The following USP3 variants were observed in gnomAD, a reference collection of about 807,000 sequenced individuals.
The protein encoded by USP3 is ubiquitin specific peptidase 3, also known as ubiquitin carboxyl-terminal hydrolase 3.
Under a neutral mutation model 72.3 loss-of-function variants are expected in USP3, and 20 were observed. The observed-to-expected ratio is 0.28, with a 90% CI of 0.19 to 0.40. The LOEUF (loss-of-function observed/expected upper bound fraction) is 0.40, where lower values mean the gene tolerates loss of function less well. Ranked by LOEUF, USP3 falls within the 10% of genes least tolerant of loss-of-function variation. The pLI, the probability that USP3 is intolerant of heterozygous loss-of-function variation, is 1.00. For synonymous variants in USP3, 222 were observed against 225.3 expected (o/e 0.99, Z 0.13); for missense variants, 479 against 633.9 (o/e 0.76, Z 2.62).
At chr15:63,556,020 A>T (rs1297610480) in intron 4 of USP3, among the ~76,000 whole-genome samples, 9 of 152,258 alleles carry the variant, frequency 5.9e-5, no homozygotes, top group African/African-American at 2.2e-4. Context: ...TTTTGAAAAT[A>T]GAAATAACTT....
Position 63,504,719 on chromosome 15 carries a change from C to T in USP3, c.-21C>T. The T allele has an allele frequency of 1.3e-6, 2 of 1,590,480 alleles. No homozygotes were observed. The highest frequency in any genetic ancestry group is 1.7e-4 in the Middle Eastern group (1 of 5,808). On this transcript the variant is annotated 5_prime_UTR_variant, in exon 1 of 15. Coordinates refer to ENST00000380324, the MANE Select transcript of USP3 (RefSeq NM_006537.4). ...GCCGGGTCCTGGAGCCGCAGTCCTC[C>T]CAGCTGCCCTCCTCGTGGCCATGGA...
At chr15:63,514,677 G>C (rs2065828749) in intron 1 of USP3, among the ~76,000 whole-genome samples, 1 of 152,126 alleles carries the variant, frequency 6.6e-6, no homozygotes, top group East Asian at 1.9e-4. Context: ...TTGATGTTAA[G>C]AGGTCCCTAA....
chr15:63,584,355 C>T (rs1034974586), intron 11 of USP3, among the ~76,000 whole-genome samples: 4 of 152,188 alleles, frequency 2.6e-5, no homozygotes, highest in Non-Finnish European at 5.9e-5. Context: ...GCCTCGGCCT[C>T]CCAAAGTGCT....
At chr15:63,542,297 T>A in intron 3 of USP3, 1 of 640,714 alleles carries the variant, frequency 1.6e-6, no homozygotes, top group Non-Finnish European at 1.9e-6. Flanking sequence ...TTTTTTATTT[T>A]AATTAATATT....
rs2066297627 is a variant in USP3, at chr15:63,544,875, T to C, written c.284+7719T>C. The C allele has an allele frequency of 1.8e-6, 1 of 555,652 alleles. No homozygotes were observed. Among genetic ancestry groups the C allele is most frequent in the Non-Finnish European group, 3.2e-6 (1 of 313,630 alleles). 34.4% of individuals were successfully genotyped at this position (555,652 alleles called of 1,614,324 possible). On this transcript the variant is annotated intron_variant, in intron 3 of 14. Coordinates refer to ENST00000380324, the MANE Select transcript of USP3 (RefSeq NM_006537.4). This position sits in a 1 kb window ranked among gnomAD's most constrained non-coding sequence, Gnocchi z 4.2. ...ACATTGTGGGGACCATCAAATACTA[T>C]ACTTAGTTCAGTTACAGATAGCTAT...
chr15:63,587,513 T>TTTAG (rs2067095916), intron 11 of USP3, among the ~76,000 whole-genome samples: 1 of 152,186 alleles, frequency 6.6e-6, no homozygotes, highest in Non-Finnish European at 1.5e-5. Context: ...TCCTTTAACG[T>TTTAG]TTAGTTATAA....
At position 63,588,971 on chromosome 15, in the gene USP3, C is replaced by A; in HGVS notation, c.1357C>A (p.Leu453Met). ...EPENSGPESC[L>M]YDLAAVVVHH... ...TGAGAACAGTGGCCCGGAGAGCTGC[C>A]TGTATGACCTCGCCGCTGTGGTGGT... Residue 453 changes from leucine (L) to methionine (M), a missense_variant, in exon 14 of 15, where the codon CTG (leucine) becomes ATG (methionine). Physicochemically the swap from Leu to Met is conservative, Grantham distance 15 (BLOSUM62 2). Transcript: ENST00000380324. The surrounding 1 kb of genome is among the most constrained non-coding windows in gnomAD (Gnocchi z 4.6). 6.2e-7 allele frequency: 1 copy of A among 1,614,052 alleles called. No homozygotes were observed. The highest frequency in any genetic ancestry group is 8.5e-7 in the Non-Finnish European group (1 of 1,180,036).
At chr15:63,562,081 CCA>C (rs1304822287) in intron 7 of USP3, among the ~76,000 whole-genome samples, 1 of 152,204 alleles carries the variant, frequency 6.6e-6, no homozygotes, top group African/African-American at 2.4e-5. Context: ...CCCTATCCAT[CCA>C]CATAGTCCCC....
intron 11 of USP3, among the ~76,000 whole-genome samples, chr15:63,580,861 T>C (rs2066945326): frequency 6.6e-6 from 1 of 151,686 alleles, no homozygotes; most frequent in Admixed American, 6.6e-5. Context: ...CAGGCTGGAG[T>C]GCAGTGGCAC....
chr15:63,575,530 C>G (rs1208798565), intron 11 of USP3, among the ~76,000 whole-genome samples: 2 of 152,200 alleles, frequency 1.3e-5, no homozygotes, highest in Non-Finnish European at 1.5e-5. Context: ...GATGACTAGA[C>G]TACACTCCAG....
intron 11 of USP3, among the ~76,000 whole-genome samples, chr15:63,584,085 C>A (rs985694600): frequency 1.4e-5 from 2 of 144,474 alleles, no homozygotes; most frequent in African/African-American, 2.6e-5. Context: ...CAAGGTACAA[C>A]GGTTTTGTTT....
At chr15:63,536,942 G>T in intron 2 of USP3, 83 bp from the exon 3 acceptor site, 1 of 1,381,408 alleles carries the variant, frequency 7.2e-7, no homozygotes, top group South Asian at 1.4e-5. Flanking sequence ...ATTTTGATTT[G>T]ATTAATATTT....
intron 1 of USP3, among the ~76,000 whole-genome samples, chr15:63,530,942 G>C (rs767894310): frequency 3.9e-5 from 6 of 152,180 alleles, no homozygotes; most frequent in Non-Finnish European, 5.9e-5. Context: ...TTTCTGTCAT[G>C]TGGTTTACGT....
At chr15:63,511,283 G>A (rs200154772) in intron 1 of USP3, among the ~76,000 whole-genome samples, 863 of 13,672 alleles carry the variant, frequency 0.063, 13 homozygotes, top group Non-Finnish European at 0.1. Context: ...AAAAAAAAAA[G>A]AGTCTTTATT....
At chr15:63,555,774 G>C (rs1306886149) in intron 4 of USP3, among the ~76,000 whole-genome samples, 1 of 152,166 alleles carries the variant, frequency 6.6e-6, no homozygotes, top group African/African-American at 2.4e-5. Flanking sequence ...GTAAGAGAGA[G>C]ACACACAGTT....
chr15:63,518,298 TC>T (rs2065877311), intron 1 of USP3, among the ~76,000 whole-genome samples: 1 of 152,206 alleles, frequency 6.6e-6, no homozygotes, highest in Non-Finnish European at 1.5e-5. Context: ...GAAAGTCAGA[TC>T]ACAAGCCAGG....
intron 7 of USP3, among the ~76,000 whole-genome samples, chr15:63,560,626 G>A (rs2066593733): frequency 6.6e-6 from 1 of 151,866 alleles, no homozygotes; most frequent in Admixed American, 6.6e-5. Context: ...CTTGGATACT[G>A]AAATTAATTT....
intron 1 of USP3, among the ~76,000 whole-genome samples, chr15:63,531,971 T>C (rs2066083311): frequency 6.6e-6 from 1 of 152,198 alleles, no homozygotes; most frequent in East Asian, 1.9e-4. Flanking sequence ...CCCTTTTAAA[T>C]ATCATTGTTA....
intron 1 of USP3, among the ~76,000 whole-genome samples, chr15:63,515,774 A>T (rs1025137209): frequency 6.6e-6 from 1 of 152,244 alleles, no homozygotes; most frequent in Non-Finnish European, 1.5e-5. Flanking sequence ...CAGAACAGTA[A>T]TACACATTTC....
Sources: allele counts gnomAD v4.1 joint callset (sites outside exome capture counted in the v4.1 genomes callset), GRCh38; gene constraint gnomAD v4.1.1; non-coding constraint Gnocchi (gnomAD v3.1); transcripts MANE v1.5; gene names NCBI Gene and HGNC (gene_info 2026-07-23, HGNC 2026-07-21).